Variants in ZYG11B observed in about 807,000 individuals in gnomAD.
ZYG11B encodes the protein protein zyg-11 homolog B.
In ZYG11B, 36 loss-of-function variants were observed where a neutral mutation model predicts 82.4. The observed-to-expected ratio is 0.44, with a 90% CI of 0.33 to 0.58. The LOEUF is 0.58. Among genes scored for constraint, ZYG11B ranks in the 20% least tolerant of loss-of-function variants. The pLI is 0.02. For synonymous variants in ZYG11B, 303 were observed against 312.8 expected, an observed-to-expected ratio of 0.97 and a Z score of 0.33; for missense variants, 552 against 895.6, an observed-to-expected ratio of 0.62 and a Z score of 4.90.
At chr1:52,786,812 C>T (rs868540979) in intron 5 of ZYG11B, among the ~76,000 whole-genome samples, 11 of 152,182 alleles carry the variant, frequency 7.2e-5, no homozygotes, top group South Asian at 2.1e-4. Context: ...ATGTTCGAGC[C>T]GGGCGTTGTG....
intron 3 of ZYG11B, chr1:52,772,432 T>G (rs1407410944): frequency 6.4e-6 from 10 of 1,564,968 alleles, no homozygotes; most frequent in Non-Finnish European, 7.9e-6. Context: ...TTAAGAATTC[T>G]TAAAATTTTA....
At chr1:52,804,781 T>C (rs1489566501) in intron 10 of ZYG11B, among the ~76,000 whole-genome samples, 1 of 151,998 alleles carries the variant, frequency 6.6e-6, no homozygotes. Flanking sequence ...AGCCATTTTA[T>C]TTTATTTTTT....
intron 13 of ZYG11B, 148 bp downstream of exon 13, chr1:52,816,777 A>ATTT: frequency 8.2e-6 from 3 of 364,058 alleles, no homozygotes; most frequent in South Asian, 3.6e-5. Flanking sequence ...AACTTAAGGT[A>ATTT]TTCTTTTTTT....
At chr1:52,792,587 A>G (rs1571782708) in intron 6 of ZYG11B, among the ~76,000 whole-genome samples, 1 of 152,314 alleles carries the variant, frequency 6.6e-6, no homozygotes, top group South Asian at 2.1e-4. Context: ...AGCAGAGTCT[A>G]GATTTAAATT....
At chr1:52,810,887 T>C (rs572911778) in intron 10 of ZYG11B, among the ~76,000 whole-genome samples, 2 of 152,092 alleles carry the variant, frequency 1.3e-5, no homozygotes, top group Admixed American at 1.3e-4. Context: ...ATATAAAAAT[T>C]AGCTGGCCAT....
At chr1:52,743,213 G>A (rs963710700) in intron 1 of ZYG11B, among the ~76,000 whole-genome samples, 1 of 151,816 alleles carries the variant, frequency 6.6e-6, no homozygotes, top group Middle Eastern at 3.4e-3. Flanking sequence ...TGAGATTAGG[G>A]AGTCATCACC....
chr1:52,735,833 G>A (rs1013798351), intron 1 of ZYG11B, among the ~76,000 whole-genome samples: 1 of 152,108 alleles, frequency 6.6e-6, no homozygotes, highest in Non-Finnish European at 1.5e-5. Flanking sequence ...TATTGTCTGA[G>A]ACAATAGACC....
At chr1:52,735,786 C>A (rs998236066) in intron 1 of ZYG11B, among the ~76,000 whole-genome samples, 4 of 152,066 alleles carry the variant, frequency 2.6e-5, no homozygotes, top group African/African-American at 9.7e-5. Context: ...GATCTGCCTG[C>A]CTTGGTCTTC....
chr1:52,744,712 C>T (rs189537834), intron 1 of ZYG11B, among the ~76,000 whole-genome samples: 53 of 152,180 alleles, frequency 3.5e-4, no homozygotes, highest in Non-Finnish European at 5.6e-4. Context: ...CATGGTGGCA[C>T]GCGCCTGTAG....
intron 5 of ZYG11B, among the ~76,000 whole-genome samples, chr1:52,788,641 A>G (rs1022943616): frequency 1.3e-5 from 2 of 152,270 alleles, no homozygotes; most frequent in Non-Finnish European, 1.5e-5. Flanking sequence ...AAGCAGGAGG[A>G]TCACTTGAGT....
At chr1:52,734,514 G>T (rs1644361811) in intron 1 of ZYG11B, among the ~76,000 whole-genome samples, 1 of 151,370 alleles carries the variant, frequency 6.6e-6, no homozygotes, top group Non-Finnish European at 1.5e-5. Context: ...GCTGGGTGTG[G>T]TAGCGCATGC....
intron 10 of ZYG11B, among the ~76,000 whole-genome samples, chr1:52,813,084 A>G (rs531253569): frequency 1.3e-5 from 2 of 152,264 alleles, no homozygotes; most frequent in South Asian, 2.1e-4. Flanking sequence ...TGCTTATTAT[A>G]AGGTCTCTTG....
Position 52,784,999 on chromosome 1 carries a change from T to A in ZYG11B, c.1215T>A (p.Ala405=). The A allele has an allele frequency of 6.8e-6, 11 of 1,614,130 alleles. No individual in the cohort carries two copies. Among genetic ancestry groups the A allele is most frequent in the African/African-American group, 1.3e-5 (1 of 75,066 alleles). ...CAGGGATGCCTGTCCGACTCCTGGC[T>A]GATGTGACCCATTTGCTGCTCAAAG... ...LAAGMPVRLL[A]DVTHLLLKAM... is the part of the protein sequence containing the mutation. The change falls in exon 5 of 14, where the codon GCT becomes GCA. Residue 405 remains alanine, a synonymous_variant. Transcript: ENST00000294353.
intron 1 of ZYG11B, among the ~76,000 whole-genome samples, chr1:52,746,205 GC>G: frequency 6.6e-6 from 1 of 152,014 alleles, no homozygotes; most frequent in Non-Finnish European, 1.5e-5. Context: ...ACCCGCCTTG[GC>G]CCCCCAAAAC....
chr1:52,744,521 A>T (rs1337942827), intron 1 of ZYG11B, among the ~76,000 whole-genome samples: 1 of 152,224 alleles, frequency 6.6e-6, no homozygotes, highest in East Asian at 1.9e-4. Flanking sequence ...ATTCAACTTC[A>T]GTTCTACTGT....
At position 52,771,624 on chromosome 1, in the gene ZYG11B, C is replaced by T. The variant is rs202043704; in HGVS notation, c.801C>T (p.Asn267=). ...RLLEQKDILP[N]LVSLDVSGRK... Reference sequence around the variant, plus strand: ...TAGAACAAAAAGACATCCTACCTAACCTTGTTTCTCTGGATGTTTCTGGGA... The same window carrying T: ...TAGAACAAAAAGACATCCTACCTAATCTTGTTTCTCTGGATGTTTCTGGGA... The change falls in exon 3 of 14, where the codon AAC becomes AAT. Residue 267 remains asparagine, a synonymous_variant. Coordinates refer to ENST00000294353, the MANE Select transcript of ZYG11B (RefSeq NM_024646.3). This position sits in a 1 kb window ranked among gnomAD's most constrained non-coding sequence, Gnocchi z 5.4. 19 of 1,614,174 alleles carry T rather than the reference C, an allele frequency of 1.2e-5. No homozygotes were observed. The highest frequency in any genetic ancestry group is 3.3e-4 in the Middle Eastern group (2 of 6,062).
intron 4 of ZYG11B, among the ~76,000 whole-genome samples, chr1:52,783,805 T>TATATATATATACACACAC (rs74185908): frequency 7.4e-6 from 1 of 135,004 alleles, no homozygotes; most frequent in African/African-American, 2.8e-5. Context: ...TATATATATA[T>TATATATATATACACACAC]ACACACACAC....
intron 2 of ZYG11B, among the ~76,000 whole-genome samples, chr1:52,767,069 TTTTTATGTTA>T (rs1359950464): frequency 1.4e-5 from 2 of 141,920 alleles, no homozygotes; most frequent in African/African-American, 6.1e-5. Flanking sequence ...TTATTTTTAT[TTTTTATGTTA>T]TTTTATGTTA....
chr1:52,809,187 A>G (rs1027204455), intron 10 of ZYG11B, among the ~76,000 whole-genome samples: 1 of 152,204 alleles, frequency 6.6e-6, no homozygotes, highest in Non-Finnish European at 1.5e-5. Context: ...CGTAAAATTT[A>G]CCATCTTAAC....
Sources: allele counts gnomAD v4.1 joint callset (sites outside exome capture counted in the v4.1 genomes callset), GRCh38; gene constraint gnomAD v4.1.1; non-coding constraint Gnocchi (gnomAD v3.1); transcripts MANE v1.5; gene names NCBI Gene and HGNC (gene_info 2026-07-23, HGNC 2026-07-21).